Variants in RAB11FIP4 observed in about 807,000 individuals in gnomAD.
The protein encoded by RAB11FIP4 is rab11 family-interacting protein 4.
In RAB11FIP4, 23 loss-of-function variants were observed where a neutral mutation model predicts 74.3. That is an observed-to-expected ratio of 0.31 (90% confidence interval 0.22 to 0.44). The LOEUF (loss-of-function observed/expected upper bound fraction) is 0.44, where lower values mean the gene tolerates loss of function less well. Ranked by LOEUF, RAB11FIP4 falls within the 20% of genes least tolerant of loss-of-function variation. The pLI is 1.00. For missense variants in RAB11FIP4, 630 were observed against 863.9 expected (o/e 0.73, Z 3.39); for synonymous variants, 360 against 359.9 (o/e 1.00, Z 0.00).
At chr17:31,459,097 T>C (rs945714566) in intron 3 of RAB11FIP4, among the ~76,000 whole-genome samples, 1 of 152,144 alleles carries the variant, frequency 6.6e-6, no homozygotes, top group Non-Finnish European at 1.5e-5. Context: ...TGCAATGGCC[T>C]CTCTGCTGAC....
At chr17:31,437,269 G>A (rs981674083) in intron 3 of RAB11FIP4, among the ~76,000 whole-genome samples, 2 of 152,144 alleles carry the variant, frequency 1.3e-5, no homozygotes, top group South Asian at 2.1e-4. Context: ...GGCACAATCC[G>A]AAGACCAGCC....
At chr17:31,477,528 G>A (rs541966241) in intron 3 of RAB11FIP4, among the ~76,000 whole-genome samples, 2 of 152,354 alleles carry the variant, frequency 1.3e-5, no homozygotes, top group African/African-American at 4.8e-5. Context: ...AGAGCAGCGC[G>A]GGCGTCAGAG....
chr17:31,474,434 G>A (rs2071769456), intron 3 of RAB11FIP4, among the ~76,000 whole-genome samples: 1 of 152,150 alleles, frequency 6.6e-6, no homozygotes. Flanking sequence ...CACTTTGGGA[G>A]GCCGAGGAGG....
intron 3 of RAB11FIP4, among the ~76,000 whole-genome samples, chr17:31,479,367 C>T (rs141611107): frequency 6.4e-4 from 98 of 152,288 alleles, no homozygotes; most frequent in African/African-American, 2.3e-3. Context: ...AAAAGGCTTC[C>T]GCTAATTCAA....
At chr17:31,395,335 G>A (rs973078687) in intron 1 of RAB11FIP4, among the ~76,000 whole-genome samples, 3 of 152,150 alleles carry the variant, frequency 2.0e-5, no homozygotes, top group East Asian at 3.8e-4. Context: ...GAAGCATAAC[G>A]TCCCACCGTG....
chr17:31,510,510 G>C (rs1027868336), intron 3 of RAB11FIP4, among the ~76,000 whole-genome samples: 5 of 152,238 alleles, frequency 3.3e-5, no homozygotes, highest in African/African-American at 1.2e-4. Flanking sequence ...TAGTGCCTGG[G>C]GAATGAGGCC....
intron 1 of RAB11FIP4, among the ~76,000 whole-genome samples, chr17:31,430,352 ATTTTTTTTT>A (rs56078412): frequency 0.068 from 7,628 of 111,768 alleles, 264 homozygotes; most frequent in Non-Finnish European, 0.099. Flanking sequence ...TGGAGTTTGG[ATTTTTTTTT>A]TTTTTTTTTT....
At position 31,528,408 on chromosome 17, in the gene RAB11FIP4, G is replaced by A; in HGVS notation, c.1359G>A (p.Glu453=). ...CTGATCGGGTCTCCCTGCTCCAGGA[G>A]CGGCAGCGCATGTCTGACCGTCTGG... ...LKSQTEKLDE[E]RQRMSDRLED... Residue 453 remains glutamate (E), a splice_region_variant and synonymous_variant, in exon 12 of 15, where the codon GAG becomes GAA. Transcript: ENST00000621161. 1 of 1,612,400 alleles carries A rather than the reference G, an allele frequency of 6.2e-7. No homozygotes were observed. Among genetic ancestry groups the A allele is most frequent in the Non-Finnish European group, 8.5e-7 (1 of 1,179,876 alleles).
chr17:31,399,109 C>G (rs1339976474), intron 1 of RAB11FIP4, among the ~76,000 whole-genome samples: 1 of 151,980 alleles, frequency 6.6e-6, no homozygotes, highest in African/African-American at 2.4e-5. Flanking sequence ...GGGCTCCTTC[C>G]CTTCCTGTTG....
At chr17:31,403,570 T>C (rs1277842096) in intron 1 of RAB11FIP4, among the ~76,000 whole-genome samples, 101 of 151,968 alleles carry the variant, frequency 6.6e-4, no homozygotes, top group African/African-American at 2.3e-3. Flanking sequence ...GATCCACCCA[T>C]CTTGGCCTCC....
At chr17:31,421,008 C>T (rs58593633) in intron 1 of RAB11FIP4, among the ~76,000 whole-genome samples, 3,647 of 152,024 alleles carry the variant, frequency 0.024, 133 homozygotes, top group African/African-American at 0.081. Flanking sequence ...TGCTTGAACC[C>T]GGGAGGCAGA....
chr17:31,436,659 C>T (rs575568936), intron 3 of RAB11FIP4, among the ~76,000 whole-genome samples: 8 of 152,100 alleles, frequency 5.3e-5, no homozygotes, highest in South Asian at 2.1e-4. Flanking sequence ...AGAAAGACCG[C>T]GTCAGCCTAT....
chr17:31,500,512 C>G (rs746193448), intron 3 of RAB11FIP4, among the ~76,000 whole-genome samples: 11 of 152,202 alleles, frequency 7.2e-5, no homozygotes, highest in Non-Finnish European at 1.5e-5. Flanking sequence ...ATAAAAGGCT[C>G]CTTGTGTGAG....
chr17:31,442,433 C>T (rs1156850363), intron 3 of RAB11FIP4, among the ~76,000 whole-genome samples: 2 of 152,112 alleles, frequency 1.3e-5, no homozygotes, highest in Non-Finnish European at 2.9e-5. Flanking sequence ...AATTACAGAC[C>T]CCACGAGCCA....
At chr17:31,527,462 G>A (rs186493738) in intron 10 of RAB11FIP4, 89 of 177,192 alleles carry the variant, frequency 5.0e-4, no homozygotes, top group Non-Finnish European at 5.8e-4. Context: ...TTAGCTAGGC[G>A]TGGTGGTGCA....
intron 1 of RAB11FIP4, among the ~76,000 whole-genome samples, chr17:31,423,581 C>T (rs1239735617): frequency 1.3e-5 from 2 of 152,146 alleles, no homozygotes; most frequent in Admixed American, 6.5e-5. Context: ...AGATCCCAAC[C>T]TGCCCTCTGT....
At chr17:31,438,357 G>A (rs1405606101) in intron 3 of RAB11FIP4, among the ~76,000 whole-genome samples, 2 of 152,028 alleles carry the variant, frequency 1.3e-5, no homozygotes, top group Non-Finnish European at 2.9e-5. Flanking sequence ...TCCACCCTAT[G>A]GTGGATGAAA....
intron 1 of RAB11FIP4, among the ~76,000 whole-genome samples, chr17:31,404,201 C>A (rs577613735): frequency 6.6e-6 from 1 of 152,200 alleles, no homozygotes; most frequent in Non-Finnish European, 1.5e-5. Flanking sequence ...CCCGCCAGCC[C>A]GTGGACCACA....
chr17:31,481,670 T>TCCTCCTCCCCTGCCA (rs2071850687), intron 3 of RAB11FIP4, among the ~76,000 whole-genome samples: 1 of 152,154 alleles, frequency 6.6e-6, no homozygotes, highest in Non-Finnish European at 1.5e-5. Flanking sequence ...TTGCTGGACT[T>TCCTCCTCCCCTGCCA]CCTCCTCCCC....
Sources: allele counts gnomAD v4.1 joint callset (sites outside exome capture counted in the v4.1 genomes callset), GRCh38; gene constraint gnomAD v4.1.1; transcripts MANE v1.5; gene names NCBI Gene and HGNC (gene_info 2026-07-23, HGNC 2026-07-21).